The following SLAMF1 variants were observed in gnomAD, a reference collection of about 807,000 sequenced individuals.
The protein encoded by SLAMF1 is signaling lymphocytic activation molecule family member 1.
Under a neutral mutation model 35.1 loss-of-function variants are expected in SLAMF1, and 18 were observed. That is an observed-to-expected ratio of 0.51 (90% CI 0.35 to 0.76). SLAMF1 has a LOEUF of 0.76. Among genes scored for constraint, SLAMF1 ranks in the 30% least tolerant of loss-of-function variants. The pLI, the probability that SLAMF1 is intolerant of heterozygous loss-of-function variation, is 0.01. For missense variants in SLAMF1, 392 were observed against 413.0 expected (o/e 0.95, Z 0.44); for synonymous variants, 168 against 157.2 (o/e 1.07, Z -0.51).
intron 4 of SLAMF1, 149 bp from the exon 5 acceptor site, chr1:160,619,998 T>C (rs1040720500): frequency 1.5e-6 from 1 of 664,648 alleles, no homozygotes. Context: ...CCTGCACATT[T>C]GTCATATTGT....
At chr1:160,635,894 C>A (rs576440548) in intron 2 of SLAMF1, among the ~76,000 whole-genome samples, 10 of 152,194 alleles carry the variant, frequency 6.6e-5, no homozygotes, top group Non-Finnish European at 1.3e-4. Context: ...ATCTTCTCAA[C>A]AATTATAACT....
At chr1:160,640,338 A>ATATATATATATATG (rs2102357170) in intron 1 of SLAMF1, among the ~76,000 whole-genome samples, 2 of 113,676 alleles carry the variant, frequency 1.8e-5, no homozygotes, top group Non-Finnish European at 3.7e-5. Flanking sequence ...ATATATATAT[A>ATATATATATATATG]TATATATATA....
rs1270904451 is a variant in SLAMF1 at position 160,608,331 on chromosome 1, T to C, written c.*2417A>G. On this transcript the variant is annotated 3_prime_UTR_variant, in exon 7 of 7. Transcript: ENST00000302035. ...AAACCGAGAATGGGTGTGTTCCTCC[T>C]GACTTCTCTAGAATTCAGACATGCT... 2 of 152,206 alleles carry C rather than the reference T, an allele frequency of 1.3e-5. No homozygotes were observed. The highest frequency in any genetic ancestry group is 4.8e-5 in the African/African-American group (2 of 41,446). The allele number at this position is 152,206 out of a possible 1,614,324, so 9.4% of individuals were successfully genotyped here. A position where few individuals can be genotyped will look rare whatever the true frequency, so the allele number is the denominator to read the frequency against.
intron 4 of SLAMF1, among the ~76,000 whole-genome samples, chr1:160,621,916 T>C (rs936856072): frequency 1.4e-5 from 2 of 147,624 alleles, no homozygotes; most frequent in African/African-American, 5.1e-5. Context: ...CAAGAAGCAG[T>C]TGGAGGTAGC....
intron 3 of SLAMF1, among the ~76,000 whole-genome samples, chr1:160,629,339 CTTA>C (rs1259178348): frequency 6.6e-6 from 1 of 151,712 alleles, no homozygotes; most frequent in Non-Finnish European, 1.5e-5. Flanking sequence ...GTCCCAAAAT[CTTA>C]TTATTAATAT....
intron 3 of SLAMF1, among the ~76,000 whole-genome samples, chr1:160,628,632 T>C (rs752967666): frequency 3.6e-4 from 55 of 152,110 alleles, no homozygotes; most frequent in Non-Finnish European, 1.5e-4. Flanking sequence ...CCGGAAACAA[T>C]ATAGGGCAGG....
At chr1:160,613,281 C>A (rs528574784) in intron 5 of SLAMF1, among the ~76,000 whole-genome samples, 4 of 152,298 alleles carry the variant, frequency 2.6e-5, no homozygotes, top group Non-Finnish European at 5.9e-5. Flanking sequence ...CACTTTATGG[C>A]ACTCTATGCT....
At chr1:160,628,498 A>G (rs1002261328) in intron 3 of SLAMF1, among the ~76,000 whole-genome samples, 4 of 152,234 alleles carry the variant, frequency 2.6e-5, no homozygotes, top group Admixed American at 6.5e-5. Context: ...CAGTTCCTTG[A>G]TTATAATATG....
intron 5 of SLAMF1, among the ~76,000 whole-genome samples, chr1:160,614,229 TAAGA>T (rs529576143): frequency 1.3e-5 from 2 of 152,208 alleles, no homozygotes; most frequent in East Asian, 3.8e-4. Context: ...ATTTTGAGTT[TAAGA>T]AAGAATTTCT....
intron 5 of SLAMF1, among the ~76,000 whole-genome samples, chr1:160,615,934 G>C (rs1352260531): frequency 6.6e-6 from 1 of 152,216 alleles, no homozygotes; most frequent in Non-Finnish European, 1.5e-5. Flanking sequence ...TCCAGATGGA[G>C]TGTGGCCCTG....
chr1:160,644,879 A>C (rs1050390017), intron 1 of SLAMF1, among the ~76,000 whole-genome samples: 1 of 152,170 alleles, frequency 6.6e-6, no homozygotes, highest in Non-Finnish European at 1.5e-5. Flanking sequence ...AAGTGTGTGA[A>C]GGGGGTGCAG....
chr1:160,646,923 G>A lies in SLAMF1; in HGVS notation c.23C>T (p.Ser8Phe). The change falls in exon 1 of 7, where the codon TCC (serine) becomes TTC (phenylalanine). Residue 8 changes from serine (S) to phenylalanine (F), a missense_variant. Transcript: ENST00000302035. MDPKGLL[S>F]LTFVLFLSLA... ...GGAGAGAAACAGCACGAAGGTCAAG[G>A]AGAGGAGCCCCTTGGGATCCATCAG... The A allele has an allele frequency of 1.2e-6, 2 of 1,605,326 alleles. No individual in the cohort carries two copies. The highest frequency in any genetic ancestry group is 1.7e-6 in the Non-Finnish European group (2 of 1,172,678).
chr1:160,639,515 C>G (rs1660632247), intron 1 of SLAMF1, among the ~76,000 whole-genome samples: 1 of 152,224 alleles, frequency 6.6e-6, no homozygotes, highest in Non-Finnish European at 1.5e-5. Context: ...GCATGAGCCA[C>G]TGTGCCCAGC....
chr1:160,637,283 C>G lies in SLAMF1; in HGVS notation c.323G>C (p.Arg108Pro), dbSNP rs370112111. 6.2e-7 allele frequency: 1 copy of G among 1,613,886 alleles called. No individual in the cohort carries two copies. The highest frequency in any genetic ancestry group is 1.7e-5 in the Admixed American group (1 of 59,988). ...FYLENLTLGI[R>P]ESRKEDEGWY... Reference sequence around the variant, plus strand: ...TCCCTCATCCTCCTTCCTGCTTTCCCGTATCCCCAGGGTGAGATTCTCCAG... The same window carrying G: ...TCCCTCATCCTCCTTCCTGCTTTCCGGTATCCCCAGGGTGAGATTCTCCAG... Residue 108 changes from arginine (R) to proline (P), a missense_variant, in exon 2 of 7, where the codon CGG becomes CCG. By Grantham distance (103) the Arg-to-Pro change is moderately radical (BLOSUM62 -2). Transcript: ENST00000302035.
intron 5 of SLAMF1, among the ~76,000 whole-genome samples, chr1:160,613,640 A>C (rs528427188): frequency 3.9e-5 from 6 of 152,372 alleles, no homozygotes; most frequent in South Asian, 4.1e-4. Flanking sequence ...ATGTGTTTTA[A>C]TGCGAGAAAA....
intron 3 of SLAMF1, among the ~76,000 whole-genome samples, chr1:160,627,187 G>C (rs905664446): frequency 6.6e-6 from 1 of 152,214 alleles, no homozygotes; most frequent in African/African-American, 2.4e-5. Flanking sequence ...TGTAAAATGA[G>C]CATAACAATA....
At chr1:160,629,176 G>A (rs560379458) in intron 3 of SLAMF1, among the ~76,000 whole-genome samples, 1 of 152,218 alleles carries the variant, frequency 6.6e-6, no homozygotes, top group Admixed American at 6.5e-5. Flanking sequence ...TCCACCCTGG[G>A]CCCTCTCCAC....
At position 160,640,205 on chromosome 1, in the gene SLAMF1, C is replaced by G. The variant is rs529966749; in HGVS notation, c.77-2676G>C. Among the ~76,000 whole-genome samples, 10 of 151,484 alleles carry G rather than the reference C, an allele frequency of 6.6e-5. No individual in the cohort carries two copies. In the South Asian group the frequency reaches 2.1e-3, roughly 32 times the overall value. On this transcript the variant is annotated intron_variant, in intron 1 of 6. Coordinates refer to ENST00000302035, the MANE Select transcript of SLAMF1 (RefSeq NM_003037.5). ...TTGTTCACTATTTTGACCCCAAGAC[C>G]TACAAACAGGTGCTATGTGCTTAGT...
rs1427618078 is a variant in SLAMF1, at chr1:160,609,926, T to C, written c.*822A>G. Reference sequence around the variant, plus strand: ...CAGAGAACTGGGATTTAAACATCATTTTGAGAAGTGAAAAATCACCATGGG... The same window carrying C: ...CAGAGAACTGGGATTTAAACATCATCTTGAGAAGTGAAAAATCACCATGGG... On this transcript the variant is annotated 3_prime_UTR_variant, in exon 7 of 7. Coordinates refer to ENST00000302035, the MANE Select transcript of SLAMF1 (RefSeq NM_003037.5). 1 of 173,662 alleles carries C rather than the reference T, an allele frequency of 5.8e-6. No individual in the cohort carries two copies. The highest frequency in any genetic ancestry group is 2.4e-5 in the African/African-American group (1 of 41,562). The allele number at this position is 173,662 out of a possible 1,614,324, so 10.8% of individuals were successfully genotyped here.
Sources: gnomAD v4.1 joint callset for allele counts (sites outside exome capture counted in the v4.1 genomes callset) on GRCh38, gnomAD v4.1.1 for gene constraint, MANE v1.5 for transcripts, NCBI Gene and HGNC (gene_info 2026-07-23, HGNC 2026-07-21) for gene names.